The following ZNF541 variants were observed in gnomAD, a reference collection of about 807,000 sequenced individuals.
ZNF541 encodes zinc finger protein 541.
A neutral mutation model predicts 123.5 loss-of-function variants in ZNF541; 23 were observed. That is an observed-to-expected ratio of 0.19 (90% CI 0.13 to 0.26). The LOEUF is 0.26. Among genes scored for constraint, ZNF541 ranks in the 10% least tolerant of loss-of-function variants. The pLI is 1.00. For missense variants in ZNF541, 1,612 were observed against 1,789.9 expected (o/e 0.90, Z 1.79); for synonymous variants, 751 against 754.5 (o/e 1.00, Z 0.08).
intron 3 of ZNF541, among the ~76,000 whole-genome samples, 176 bp downstream of exon 3, chr19:47,555,369 CAAAAA>C (rs367574327): frequency 1.6e-5 from 1 of 63,272 alleles, no homozygotes; most frequent in Non-Finnish European, 3.3e-5. Context: ...GACTCCATCT[CAAAAA>C]AAAAAAAAAA....
At chr19:47,539,646 C>T (rs548538993) in intron 8 of ZNF541, 59 bp downstream of exon 8, 41 of 1,371,938 alleles carry the variant, frequency 3.0e-5, no homozygotes, top group Middle Eastern at 2.2e-4. Flanking sequence ...GTTTTTCCTA[C>T]GGCTTCCCCC....
At chr19:47,555,078 A>G (rs1343335022) in intron 3 of ZNF541, among the ~76,000 whole-genome samples, 1 of 151,570 alleles carries the variant, frequency 6.6e-6, no homozygotes, top group African/African-American at 2.4e-5. Flanking sequence ...AAAAAAAAAA[A>G]AAAAGAATTG....
At chr19:47,546,140 C>T (rs1343284526) in intron 4 of ZNF541, among the ~76,000 whole-genome samples, 160 bp from the exon 5 acceptor site, 3 of 151,004 alleles carry the variant, frequency 2.0e-5, no homozygotes, top group East Asian at 3.9e-4. Context: ...AACCCTGCTT[C>T]GGTCAAAGCC....
chr19:47,540,959 T>C lies in ZNF541; in HGVS notation c.2404-8A>G, dbSNP rs1475213447. 7.1e-6 allele frequency: 11 copies of C among 1,550,204 alleles called. No homozygotes were observed. Among genetic ancestry groups the C allele is most frequent in the Non-Finnish European group, 9.6e-6 (11 of 1,146,462 alleles). On this transcript the variant is annotated splice_polypyrimidine_tract_variant and splice_region_variant and intron_variant, in intron 5 of 16. Coordinates refer to ENST00000391901, the MANE Select transcript of ZNF541 (RefSeq NM_001277075.3). ...CCTGTAGATGTTTCCACCCTGAAGA[T>C]GAAAATGCATCTGAACCAACACATC...
intron 4 of ZNF541, 98 bp downstream of exon 4, chr19:47,549,147 G>T: frequency 6.7e-7 from 1 of 1,498,854 alleles, no homozygotes; most frequent in Non-Finnish European, 9.0e-7. Flanking sequence ...CAGAGGACGA[G>T]ACAGCAGGTT....
chr19:47,566,878 C>T (rs974490080), intron 2 of ZNF541, among the ~76,000 whole-genome samples: 77 of 151,588 alleles, frequency 5.1e-4, no homozygotes, highest in African/African-American at 1.6e-3. Context: ...GGTGAAACCC[C>T]GTCTTTACTA....
At chr19:47,564,648 T>C (rs1261804423) in intron 2 of ZNF541, among the ~76,000 whole-genome samples, 3 of 151,980 alleles carry the variant, frequency 2.0e-5, no homozygotes, top group Non-Finnish European at 4.4e-5. Context: ...AATCAAAAAA[T>C]AAAAAAATAA....
In ZNF541 at chr19:47,544,922, G is replaced by C; in HGVS notation, c.1607C>G (p.Pro536Arg). ...KAGGLPADAS[P>R]LFRQLFLKSQ... ...CTTGAGGAAGAGCTGGCGGAAGAGC[G>C]GCGAGGCATCCGCAGGGAGCCCGCC... Residue 536 changes from proline to arginine, a missense_variant, in exon 5 of 17, where the codon CCG (proline) becomes CGG (arginine). Transcript: ENST00000391901. 1 of 1,535,864 alleles carries C rather than the reference G, an allele frequency of 6.5e-7. No individual in the cohort carries two copies. Among genetic ancestry groups the C allele is most frequent in the Non-Finnish European group, 8.7e-7 (1 of 1,146,772 alleles).
At chr19:47,553,374 G>T (rs1970685827) in intron 3 of ZNF541, among the ~76,000 whole-genome samples, 1 of 150,464 alleles carries the variant, frequency 6.6e-6, no homozygotes, top group South Asian at 2.1e-4. Flanking sequence ...GAGTAGCTGG[G>T]ATTACAGGCA....
chr19:47,566,264 A>G (rs1971259335), intron 2 of ZNF541, among the ~76,000 whole-genome samples: 1 of 152,150 alleles, frequency 6.6e-6, no homozygotes, highest in Non-Finnish European at 1.5e-5. Context: ...ATGAAATGCT[A>G]CGACCTTTTG....
At chr19:47,540,103 A>G in intron 7 of ZNF541, 73 bp downstream of exon 7, 1 of 1,488,750 alleles carries the variant, frequency 6.7e-7, no homozygotes, top group Non-Finnish European at 8.9e-7. Context: ...GATAAGTGAC[A>G]CCAATCTCGT....
At chr19:47,529,742 C>G (rs1329574053) in intron 12 of ZNF541, 90 bp from the exon 13 acceptor site, 2 of 1,284,302 alleles carry the variant, frequency 1.6e-6, no homozygotes, top group Non-Finnish European at 2.2e-6. Context: ...ACACTTGCGG[C>G]TGTCCCTGAA....
In ZNF541 at chr19:47,528,256, G is replaced by A. The variant is rs372162280; in HGVS notation, c.3570+694C>T. Among the ~76,000 whole-genome samples, 38 of 144,580 alleles carry A rather than the reference G, an allele frequency of 2.6e-4. No homozygotes were observed. In the East Asian group the frequency reaches 3.5e-3, roughly 13 times the overall value. 94.9% of individuals were successfully genotyped at this position (144,580 alleles called of 152,430 possible). A position where few individuals can be genotyped will look rare whatever the true frequency, so the allele number is the denominator to read the frequency against. On this transcript the variant is annotated intron_variant, in intron 14 of 16. Transcript: ENST00000391901. ...CTTGAACCCGGGAGGCGGAGGTTGCGGTGAGCCAAGATTGCGCCACTGCAC... is the reference window on the plus strand; with the variant it reads ...CTTGAACCCGGGAGGCGGAGGTTGCAGTGAGCCAAGATTGCGCCACTGCAC...
chr19:47,555,842 G>A lies in ZNF541; in HGVS notation c.15C>T (p.Ser5=), dbSNP rs1178793989. MDQY[S]LGDEGALPSE... Reference sequence around the variant, plus strand: ...ATGGGAGGGCACCCTCGTCTCCAAGGCTGTACTGGTCCATGGCTCTCCACT... The same window carrying A: ...ATGGGAGGGCACCCTCGTCTCCAAGACTGTACTGGTCCATGGCTCTCCACT... The change falls in exon 3 of 17, where the codon AGC becomes AGT. Residue 5 remains serine (S), a synonymous_variant. Coordinates refer to ENST00000391901, the MANE Select transcript of ZNF541 (RefSeq NM_001277075.3). 2 of 1,550,774 alleles carry A rather than the reference G, an allele frequency of 1.3e-6. No individual in the cohort carries two copies. The highest frequency in any genetic ancestry group is 8.7e-7 in the Non-Finnish European group (1 of 1,146,600).
rs1472473948 is a variant in ZNF541, at chr19:47,523,036, G to A, written c.3571-1042C>T. 4.0e-5 allele frequency among the ~76,000 whole-genome samples: 6 copies of A among 150,814 alleles called. No individual in the cohort carries two copies. The East Asian group carries it at 9.8e-4, about 25-fold the overall frequency. ...GCTGGGATTACAGGCCTGAACCACC[G>A]CACCCGGCCAGCAGTGAGCTATGAT... On this transcript the variant is annotated intron_variant, in intron 14 of 16. Transcript: ENST00000391901.
intron 3 of ZNF541, among the ~76,000 whole-genome samples, chr19:47,550,705 G>A (rs1035377312): frequency 6.6e-6 from 1 of 152,188 alleles, no homozygotes; most frequent in African/African-American, 2.4e-5. Flanking sequence ...TAAGTACAGT[G>A]GTGCGATCAC....
Position 47,545,138 on chromosome 19 carries a change from G to T in ZNF541, c.1391C>A (p.Pro464His). The change falls in exon 5 of 17, where the codon CCC becomes CAC. Residue 464 changes from proline (P) to histidine (H), a missense_variant. Physicochemically the swap from Pro to His is moderately conservative, Grantham distance 77. Coordinates refer to ENST00000391901, the MANE Select transcript of ZNF541 (RefSeq NM_001277075.3). This position sits in a 1 kb window ranked among gnomAD's most constrained non-coding sequence, Gnocchi z 7.5. The part of the protein sequence containing the change: ...GSPSEESPPG[P>H]GGGLEDALPF... Reference sequence around the variant, plus strand: ...CAGAGCATCCTCCAGGCCACCGCCGGGGCCGGGCGGGGACTCCTCCGAGGG... The same window carrying T: ...CAGAGCATCCTCCAGGCCACCGCCGTGGCCGGGCGGGGACTCCTCCGAGGG... The T allele has an allele frequency of 6.7e-7, 1 of 1,482,910 alleles. No homozygotes were observed. The allele number at this position is 1,482,910 out of a possible 1,614,324, so 91.9% of individuals were successfully genotyped here.
rs1009776092 is a variant in ZNF541, at chr19:47,534,726, G to T, written c.3095-1754C>A. Among the ~76,000 whole-genome samples, 50 of 151,976 alleles carry T rather than the reference G, an allele frequency of 3.3e-4. 1 individual carries two copies. The highest frequency in any genetic ancestry group is 1.2e-3 in the African/African-American group (49 of 41,452). The stretch of plus-strand genomic sequence containing the variant: ...ACAGTAATCAAAACAGTGTGATACT[G>T]GCATAAGGATAAGTATACAGATCAA... On this transcript the variant is annotated intron_variant, in intron 9 of 16. Coordinates refer to ENST00000391901, the MANE Select transcript of ZNF541 (RefSeq NM_001277075.3).
chr19:47,545,912 C>G lies in ZNF541; in HGVS notation c.617G>C (p.Ser206Thr). The change falls in exon 5 of 17, where the codon AGC becomes ACC. Residue 206 changes from serine to threonine, a missense_variant. Ser to Thr is a moderately conservative substitution (Grantham distance 58). Around this residue, in one of 5 missense-constraint regions of ZNF541, gnomAD observed 212 missense variants for 289.6 expected, o/e 0.73. Coordinates refer to ENST00000391901, the MANE Select transcript of ZNF541 (RefSeq NM_001277075.3). The surrounding 1 kb of genome is among the most constrained non-coding windows in gnomAD (Gnocchi z 7.5). ...GCGCAGAGAGCGGTAGTCGCAGTAG[C>G]TCTTGCTGCAGCCCTGCTCGATGCA... ...FVCIEQGCSK[S>T]YCDYRSLRRH... 1 of 1,543,232 alleles carries G rather than the reference C, an allele frequency of 6.5e-7. No individual in the cohort carries two copies. The highest frequency in any genetic ancestry group is 8.8e-7 in the Non-Finnish European group (1 of 1,142,476).
Sources: allele counts gnomAD v4.1 joint callset (sites outside exome capture counted in the v4.1 genomes callset), GRCh38; gene constraint gnomAD v4.1.1; regional missense constraint gnomAD v4.1.1; non-coding constraint Gnocchi (gnomAD v3.1); transcripts MANE v1.5; gene names NCBI Gene and HGNC (gene_info 2026-07-23, HGNC 2026-07-21).